KMT2C: variants seen among roughly 807,000 people sequenced by gnomAD.
The protein encoded by KMT2C is lysine methyltransferase 2C, also known as histone-lysine N-methyltransferase 2C.
A neutral mutation model predicts 507.9 loss-of-function variants in KMT2C; 88 were observed. The ratio of observed to expected loss-of-function variants is 0.17; its 90% confidence interval spans 0.15 to 0.21. KMT2C has a LOEUF of 0.21. Among genes scored for constraint, KMT2C ranks in the 10% least tolerant of loss-of-function variants. The probability of loss-of-function intolerance (pLI) is 1.00; values close to 1 mark genes in which losing one functional copy is unlikely to be tolerated. For synonymous variants in KMT2C, 2,049 were observed against 2,080.8 expected, an observed-to-expected ratio of 0.98 and a Z score of 0.42; for missense variants, 4,954 against 5,957.8, an observed-to-expected ratio of 0.83 and a Z score of 5.55.
intron 1 of KMT2C, among the ~76,000 whole-genome samples, chr7:152,423,030 A>G (rs1465102065): frequency 6.6e-6 from 1 of 151,280 alleles, no homozygotes; most frequent in African/African-American, 2.4e-5. Context: ...AAAAAAAAAA[A>G]GAAAAAAAGA....
intron 1 of KMT2C, among the ~76,000 whole-genome samples, chr7:152,384,517 T>G (rs1332057698): frequency 2.3e-5 from 3 of 132,900 alleles, no homozygotes; most frequent in Non-Finnish European, 4.9e-5. Context: ...TCAAGCTAAA[T>G]GCCTCTGCTA....
At chr7:152,152,440 C>T (rs1035657389) in intron 49 of KMT2C, among the ~76,000 whole-genome samples, 23 of 152,174 alleles carry the variant, frequency 1.5e-4, no homozygotes, top group African/African-American at 2.9e-4. Context: ...AGGGCAAGCC[C>T]GTCACAGGCT....
rs113950729 is a variant in KMT2C, at chr7:152,263,247, T to G, written c.1185-117A>C. 5.0e-6 allele frequency: 4 copies of G among 799,720 alleles called. No individual in the cohort carries two copies. The African/African-American group carries it at 5.3e-5, about 11-fold the overall frequency. 49.5% of individuals were successfully genotyped at this position (799,720 alleles called of 1,614,324 possible). ...CACAGTTCATAAATACCTCAGTATCTGTTTTGTCTCTGCAGATAGTAACAG... is the reference window on the plus strand; with the variant it reads ...CACAGTTCATAAATACCTCAGTATCGGTTTTGTCTCTGCAGATAGTAACAG... On this transcript the variant is annotated intron_variant, in intron 8 of 58. Coordinates refer to ENST00000262189, the MANE Select transcript of KMT2C (RefSeq NM_170606.3).
chr7:152,150,550 GTC>G (rs2091525245), intron 51 of KMT2C, among the ~76,000 whole-genome samples: 1 of 152,120 alleles, frequency 6.6e-6, no homozygotes, highest in Non-Finnish European at 1.5e-5. Flanking sequence ...GGGAGGCAGA[GTC>G]TGCAGTGAGC....
chr7:152,383,022 T>C (rs775700325), intron 1 of KMT2C, among the ~76,000 whole-genome samples: 11,104 of 119,264 alleles, frequency 0.093, no homozygotes, highest in South Asian at 0.22. Context: ...ACTCTTTTAA[T>C]GGCTTTCTTT....
intron 42 of KMT2C, among the ~76,000 whole-genome samples, chr7:152,166,266 CACA>C: frequency 6.6e-6 from 1 of 151,910 alleles, no homozygotes; most frequent in Non-Finnish European, 1.5e-5. Context: ...GGATTACAGG[CACA>C]CACCACCATA....
intron 6 of KMT2C, among the ~76,000 whole-genome samples, chr7:152,277,919 ATAC>A (rs1385271146): frequency 6.6e-6 from 1 of 152,258 alleles, no homozygotes; most frequent in Admixed American, 6.5e-5. Context: ...CATGCAAAAT[ATAC>A]TACATAACAC....
intron 1 of KMT2C, among the ~76,000 whole-genome samples, chr7:152,408,007 TGGC>T (rs1257928587): frequency 2.6e-5 from 4 of 152,412 alleles, no homozygotes; most frequent in African/African-American, 9.6e-5. Flanking sequence ...GTGGCCAAGG[TGGC>T]CGGGTGGGGT....
At position 152,180,727 on chromosome 7, in the gene KMT2C, G is replaced by A. The variant is rs762356843; in HGVS notation, c.7133C>T (p.Thr2378Ile). Residue 2378 changes from threonine (T) to isoleucine (I), a missense_variant, in exon 36 of 59, where the codon ACA (threonine) becomes ATA (isoleucine). By Grantham distance (89) the Thr-to-Ile change is moderately conservative. Around this residue, in one of 29 missense-constraint regions of KMT2C, gnomAD observed 1,689 missense variants for 1,654.3 expected, o/e 1.02. Transcript: ENST00000262189. ...TGTGTTTACCTGTCTCAATTTCTCT[G>A]TATCTGCTTGGGCCATATTTACAGT... is the stretch of plus-strand genomic sequence containing the variant. ...QNTVNMAQAD[T>I]EKLRQRQKLR... is the part of the protein sequence containing the mutation. 1.9e-6 allele frequency: 3 copies of A among 1,611,930 alleles called. No individual in the cohort carries two copies. In the South Asian group the frequency reaches 3.3e-5, roughly 18 times the overall value.
At chr7:152,297,092 A>AGAGAGG (rs2096522100) in intron 6 of KMT2C, among the ~76,000 whole-genome samples, 2 of 150,846 alleles carry the variant, frequency 1.3e-5, no homozygotes, top group Admixed American at 1.3e-4. Context: ...AGAGAGAGAG[A>AGAGAGG]GAAAGAAAGA....
chr7:152,349,882 G>A (rs373151295), intron 2 of KMT2C, among the ~76,000 whole-genome samples: 120 of 152,214 alleles, frequency 7.9e-4, no homozygotes, highest in African/African-American at 2.3e-3. Flanking sequence ...TGCACGTGTC[G>A]GGGAAGGGGA....
In KMT2C at chr7:152,258,532, T is replaced by C. The variant is rs546432841; in HGVS notation, c.1299+4484A>G. The stretch of plus-strand genomic sequence containing the variant: ...GTTGTTGTTGTTGCTGTTGTTGTTG[T>C]TGTTGTTTTTGAGACAGAGTCTATC... On this transcript the variant is annotated intron_variant, in intron 9 of 58. Transcript: ENST00000262189. Among the ~76,000 whole-genome samples the C allele has an allele frequency of 3.2e-4, 48 of 152,152 alleles. 1 individual carries two copies. The South Asian group carries it at 7.9e-3, about 25-fold the overall frequency.
chr7:152,431,381 G>A lies in KMT2C; in HGVS notation c.161+4245C>T, dbSNP rs961372249. On this transcript the variant is annotated intron_variant, in intron 1 of 58. Coordinates refer to ENST00000262189, the MANE Select transcript of KMT2C (RefSeq NM_170606.3). Reference sequence around the variant, plus strand: ...TGGGAGGCCCAGGCAGGCAGATCATGAGGTCAAGAGATTGAGACCATCCTG... The same window carrying A: ...TGGGAGGCCCAGGCAGGCAGATCATAAGGTCAAGAGATTGAGACCATCCTG... 4.6e-5 allele frequency among the ~76,000 whole-genome samples: 7 copies of A among 152,138 alleles called. No homozygotes were observed. The East Asian group carries it at 1.2e-3, about 25-fold the overall frequency.
chr7:152,230,480 A>G (rs1196275814), intron 16 of KMT2C, among the ~76,000 whole-genome samples, 159 bp from the exon 17 acceptor site: 1 of 152,240 alleles, frequency 6.6e-6, no homozygotes, highest in African/African-American at 2.4e-5. Context: ...CGTAAAATGG[A>G]GTCGTGACAT....
chr7:152,220,834 G>A lies in KMT2C; in HGVS notation c.3500-99C>T, dbSNP rs2094742277. ...CCCATGTCAAGGGAATGTGACTGTA[G>A]TTCTAGAAAGCAATTACGTATCTAT... On this transcript the variant is annotated intron_variant, in intron 22 of 58. Coordinates refer to ENST00000262189, the MANE Select transcript of KMT2C (RefSeq NM_170606.3). 24 of 811,846 alleles carry A rather than the reference G, an allele frequency of 3.0e-5. 1 individual carries two copies. In the South Asian group the frequency reaches 4.0e-4, roughly 14 times the overall value. The allele number at this position is 811,846 out of a possible 1,614,324, so 50.3% of individuals were successfully genotyped here.
At chr7:152,248,660 A>G (rs879243755) in intron 13 of KMT2C, 40 bp from the exon 14 acceptor site, 1 of 1,312,512 alleles carries the variant, frequency 7.6e-7, no homozygotes, top group Non-Finnish European at 1.1e-6. Context: ...ATGTACAAAC[A>G]AATTTTAAAT....
At chr7:152,239,714 TAA>T (rs1304273099) in intron 14 of KMT2C, among the ~76,000 whole-genome samples, 1 of 152,170 alleles carries the variant, frequency 6.6e-6, no homozygotes, top group Non-Finnish European at 1.5e-5. Flanking sequence ...GATAACATTT[TAA>T]AGAAAAACAA....
At chr7:152,168,219 T>C (rs1392600533) in intron 41 of KMT2C, among the ~76,000 whole-genome samples, 1 of 151,228 alleles carries the variant, frequency 6.6e-6, no homozygotes, top group Admixed American at 6.6e-5. Flanking sequence ...GACAAAGAAA[T>C]GAATAAATAC....
chr7:152,148,703 T>C lies in KMT2C; in HGVS notation c.13224A>G (p.Glu4408=), dbSNP rs1319803016. The part of the protein sequence containing the change: ...DYRKCCFCHE[E]GDGLTDGPAR... ...CTGGTCCATCTGTCAATCCATCACC[T>C]TCTTCATGACAAAAGCAACATTTCC... The change falls in exon 52 of 59, where the codon GAA becomes GAG. Residue 4408 remains glutamate (E), a synonymous_variant. Transcript: ENST00000262189. The surrounding 1 kb of genome is among the most constrained non-coding windows in gnomAD (Gnocchi z 7.1). 1.2e-6 allele frequency: 2 copies of C among 1,614,194 alleles called. No individual in the cohort carries two copies. The highest frequency in any genetic ancestry group is 3.3e-5 in the Admixed American group (2 of 60,034).
Sources: allele counts gnomAD v4.1 joint callset (sites outside exome capture counted in the v4.1 genomes callset), GRCh38; gene constraint gnomAD v4.1.1; regional missense constraint gnomAD v4.1.1; non-coding constraint Gnocchi (gnomAD v3.1); transcripts MANE v1.5; gene names NCBI Gene and HGNC (gene_info 2026-07-23, HGNC 2026-07-21).